Variants in THSD7B observed in about 807,000 individuals in gnomAD.
The protein encoded by THSD7B is thrombospondin type-1 domain-containing protein 7B.
THSD7B carries 138 observed loss-of-function variants against 213.6 expected under a neutral mutation model. That is an observed-to-expected ratio of 0.65 (90% CI 0.56 to 0.74). The LOEUF (loss-of-function observed/expected upper bound fraction) is 0.74. Among genes scored for constraint, THSD7B ranks in the 30% least tolerant of loss-of-function variants. The pLI, the probability that THSD7B is intolerant of heterozygous loss-of-function variation, is 0.00. For missense variants in THSD7B, 1,931 were observed against 1,991.5 expected (o/e 0.97, Z 0.58); for synonymous variants, 742 against 687.0 (o/e 1.08, Z -1.25).
intron 15 of THSD7B, among the ~76,000 whole-genome samples, chr2:137,545,422 C>G (rs1680689183): frequency 2.0e-5 from 3 of 151,760 alleles, no homozygotes. Context: ...GCCTTGCTCA[C>G]CAGACCACAG....
chr2:137,572,465 A>T lies in THSD7B; in HGVS notation c.3332A>T (p.Asp1111Val), dbSNP rs1442973852. Residue 1111 changes from aspartate (D) to valine (V), a missense_variant, in exon 17 of 28, where the codon GAT (aspartate) becomes GTT (valine). Coordinates refer to ENST00000409968, the MANE Select transcript of THSD7B (RefSeq NM_001316349.2). ...GAVDSNLCNQDEIPPETQSCS... is the reference protein window; with the variant it reads ...GAVDSNLCNQVEIPPETQSCS... ...GTGGATAGCAACCTGTGCAACCAGG[A>T]TGAAATTCCCCCAGAAACCCAGTCC... is the stretch of plus-strand genomic sequence containing the variant. The T allele has an allele frequency of 5.6e-6, 9 of 1,613,970 alleles. No homozygotes were observed. The highest frequency in any genetic ancestry group is 5.9e-6 in the Non-Finnish European group (7 of 1,179,864).
At chr2:137,325,511 C>A (rs1212940947) in intron 12 of THSD7B, among the ~76,000 whole-genome samples, 2 of 152,006 alleles carry the variant, frequency 1.3e-5, no homozygotes, top group Non-Finnish European at 2.9e-5. Context: ...GCTTCATGAC[C>A]TGTAAAATAA....
At chr2:136,791,572 C>T (rs1295928247) in intron 1 of THSD7B, among the ~76,000 whole-genome samples, 2 of 151,684 alleles carry the variant, frequency 1.3e-5, no homozygotes, top group Non-Finnish European at 2.9e-5. Flanking sequence ...CGAGGCAACC[C>T]TAATCTACTT....
intron 15 of THSD7B, among the ~76,000 whole-genome samples, chr2:137,535,500 C>A (rs999726996): frequency 6.6e-6 from 1 of 151,694 alleles, no homozygotes; most frequent in Non-Finnish European, 1.5e-5. Flanking sequence ...TATCTTTTTA[C>A]CACATTTTCT....
In THSD7B at chr2:137,068,410, T is replaced by C. The variant is rs543225027; in HGVS notation, c.950+11180T>C. Among the ~76,000 whole-genome samples, 3 of 152,222 alleles carry C rather than the reference T, an allele frequency of 2.0e-5. No homozygotes were observed. The South Asian group carries it at 6.2e-4, about 32-fold the overall frequency. Reference sequence around the variant, plus strand: ...TTAGGTTTTAGAAAAATAATCATGTTAGATGAGGACATTTCTACTTCTGTA... The same window carrying C: ...TTAGGTTTTAGAAAAATAATCATGTCAGATGAGGACATTTCTACTTCTGTA... On this transcript the variant is annotated intron_variant, in intron 3 of 27. Transcript: ENST00000409968.
intron 20 of THSD7B, among the ~76,000 whole-genome samples, chr2:137,628,587 CAGTT>C (rs144782143): frequency 0.11 from 17,198 of 152,122 alleles, 1,169 homozygotes; most frequent in South Asian, 0.22. Context: ...TTCATTGAAA[CAGTT>C]GGTTGCGCCT....
intron 12 of THSD7B, among the ~76,000 whole-genome samples, chr2:137,379,563 A>G (rs752459953): frequency 6.6e-5 from 10 of 152,238 alleles, no homozygotes; most frequent in Non-Finnish European, 1.2e-4. Context: ...GGAGAAGGAA[A>G]GCAATTGGGA....
intron 2 of THSD7B, among the ~76,000 whole-genome samples, chr2:136,935,313 T>TTCTGAGCC (rs1488989529): frequency 1.3e-5 from 2 of 152,184 alleles, no homozygotes; most frequent in Non-Finnish European, 2.9e-5. Context: ...TACTACACTT[T>TTCTGAGCC]TCTGAGCCTC....
At chr2:136,936,584 A>G (rs900985428) in intron 2 of THSD7B, among the ~76,000 whole-genome samples, 2 of 152,186 alleles carry the variant, frequency 1.3e-5, no homozygotes, top group African/African-American at 4.8e-5. Context: ...GAAACCAAAC[A>G]TTGTATGTTC....
intron 3 of THSD7B, among the ~76,000 whole-genome samples, chr2:137,076,613 G>A (rs1295340706): frequency 6.6e-6 from 1 of 152,162 alleles, no homozygotes; most frequent in Non-Finnish European, 1.5e-5. Flanking sequence ...CTACTGTCTG[G>A]CACTGCCCAG....
At position 137,055,430 on chromosome 2, in the gene THSD7B, T is replaced by A. The variant is rs374875060; in HGVS notation, c.140-990T>A. 5.9e-5 allele frequency among the ~76,000 whole-genome samples: 9 copies of A among 152,286 alleles called. No individual in the cohort carries two copies. In the East Asian group the frequency reaches 1.7e-3, roughly 29 times the overall value. The stretch of plus-strand genomic sequence containing the variant: ...AACAGGTTCAGATTACATATTTAAA[T>A]AAAATGAAAGAGAAGAAACTATTTT... On this transcript the variant is annotated intron_variant, in intron 2 of 27. Transcript: ENST00000409968.
intron 1 of THSD7B, among the ~76,000 whole-genome samples, chr2:136,776,469 A>G (rs994589992): frequency 6.6e-6 from 1 of 152,168 alleles, no homozygotes; most frequent in African/African-American, 2.4e-5. Context: ...ACTTGATAAC[A>G]TTCTTAAACT....
At chr2:137,092,488 A>T (rs2104916118) in intron 3 of THSD7B, among the ~76,000 whole-genome samples, 1 of 152,288 alleles carries the variant, frequency 6.6e-6, no homozygotes, top group East Asian at 1.9e-4. Context: ...CTCTATGAAC[A>T]CATTAACTCT....
chr2:137,312,119 G>C (rs1427573422), intron 12 of THSD7B, among the ~76,000 whole-genome samples: 1 of 151,514 alleles, frequency 6.6e-6, no homozygotes, highest in Non-Finnish European at 1.5e-5. Flanking sequence ...GAATTCGGCT[G>C]TGAATCCATC....
intron 17 of THSD7B, among the ~76,000 whole-genome samples, chr2:137,573,624 A>G (rs1016924438): frequency 6.6e-6 from 1 of 152,114 alleles, no homozygotes; most frequent in Non-Finnish European, 1.5e-5. Context: ...TAACCTGAAT[A>G]TAATGAAAAT....
At chr2:136,816,369 G>T (rs1036293852) in intron 1 of THSD7B, among the ~76,000 whole-genome samples, 9 of 152,140 alleles carry the variant, frequency 5.9e-5, no homozygotes, top group Non-Finnish European at 1.0e-4. Flanking sequence ...ATGAAGTGGA[G>T]AATATTCTGC....
At chr2:137,182,326 T>C (rs942011205) in intron 7 of THSD7B, among the ~76,000 whole-genome samples, 1 of 152,148 alleles carries the variant, frequency 6.6e-6, no homozygotes, top group African/African-American at 2.4e-5. Flanking sequence ...TATTCCGAAA[T>C]CCTTCCCTGA....
intron 12 of THSD7B, among the ~76,000 whole-genome samples, chr2:137,363,565 G>A (rs181893586): frequency 1.1e-4 from 16 of 152,166 alleles, no homozygotes; most frequent in South Asian, 2.1e-4. Context: ...TATCACCACC[G>A]ATCCCACAGA....
intron 17 of THSD7B, among the ~76,000 whole-genome samples, chr2:137,594,396 C>T (rs1158856226): frequency 2.0e-5 from 3 of 152,018 alleles, no homozygotes; most frequent in Non-Finnish European, 4.4e-5. Context: ...GAAATTGGTA[C>T]ACAGAACTGG....
Sources: gnomAD v4.1 joint callset for allele counts (sites outside exome capture counted in the v4.1 genomes callset) on GRCh38, gnomAD v4.1.1 for gene constraint, MANE v1.5 for transcripts, NCBI Gene and HGNC (gene_info 2026-07-23, HGNC 2026-07-21) for gene names.